The following RBM27 variants were observed in gnomAD, a reference collection of about 807,000 sequenced individuals.
RBM27 encodes RNA binding motif protein 27.
RBM27 carries 22 observed loss-of-function variants against 135.3 expected under a neutral mutation model. The ratio of observed to expected loss-of-function variants is 0.16; its 90% confidence interval spans 0.12 to 0.23. The LOEUF (loss-of-function observed/expected upper bound fraction) is 0.23, where lower values mean the gene tolerates loss of function less well. Ranked by LOEUF, RBM27 falls within the 10% of genes least tolerant of loss-of-function variation. The probability of loss-of-function intolerance (pLI) is 1.00; values close to 1 mark genes in which losing one functional copy is unlikely to be tolerated. For synonymous variants in RBM27, 481 were observed against 442.4 expected (o/e 1.09, Z -1.10); for missense variants, 1,009 against 1,281.0 (o/e 0.79, Z 3.24).
chr5:146,211,494 T>TTTTC (rs1755951478), intron 1 of RBM27, among the ~76,000 whole-genome samples: 5 of 108,516 alleles, frequency 4.6e-5, no homozygotes, highest in Non-Finnish European at 9.4e-5. Context: ...TTTTTTTTTT[T>TTTTC]ACTTTGAGAG....
chr5:146,227,568 T>C (rs963666917), intron 3 of RBM27, among the ~76,000 whole-genome samples: 3 of 152,188 alleles, frequency 2.0e-5, no homozygotes, highest in African/African-American at 7.2e-5. Flanking sequence ...GTTTAACTCT[T>C]GCAAATAACT....
chr5:146,233,607 GCCAGGTCCAGGCCCAGGC>G lies in RBM27; in HGVS notation c.1011_1028del (p.Pro353_Gly358del). ...CTCCTGGAATGTTAATGCCTCCAAT[GCCAGGTCCAGGCCCAGGC>G]CCGGGCCCAGGTCCAGGCCCAGGCC... On this transcript the variant is annotated inframe_deletion, in exon 7 of 21. Coordinates refer to ENST00000265271, the MANE Select transcript of RBM27 (RefSeq NM_018989.2). 6.2e-7 allele frequency: 1 copy of G among 1,607,818 alleles called. No homozygotes were observed. Among genetic ancestry groups the G allele is most frequent in the Non-Finnish European group, 8.5e-7 (1 of 1,176,212 alleles).
chr5:146,257,776 A>G (rs2126838824), intron 10 of RBM27, among the ~76,000 whole-genome samples: 2 of 152,172 alleles, frequency 1.3e-5, no homozygotes, highest in Admixed American at 1.3e-4. Flanking sequence ...TTGCTTGTAT[A>G]AGGTGATCAT....
chr5:146,206,264 C>T (rs529374606), intron 1 of RBM27, among the ~76,000 whole-genome samples: 1 of 147,754 alleles, frequency 6.8e-6, no homozygotes, highest in African/African-American at 2.5e-5. Flanking sequence ...TTTAAAGCTC[C>T]CTAAGATGTT....
At chr5:146,267,912 G>GA (rs543294529) in intron 15 of RBM27, 144 bp downstream of exon 15, 96 of 889,068 alleles carry the variant, frequency 1.1e-4, no homozygotes, top group South Asian at 3.7e-4. Context: ...TGTAAACTTG[G>GA]AAAAAAAAGG....
chr5:146,217,464 GTTTTTTTTTTT>G (rs545963169), intron 1 of RBM27, among the ~76,000 whole-genome samples: 3 of 70,768 alleles, frequency 4.2e-5, no homozygotes, highest in African/African-American at 1.2e-4. Context: ...GCTGAAGCCT[GTTTTTTTTTTT>G]TTTTTTTTTT....
At chr5:146,266,275 A>G (rs529715714) in intron 14 of RBM27, among the ~76,000 whole-genome samples, 2 of 152,362 alleles carry the variant, frequency 1.3e-5, no homozygotes, top group South Asian at 2.1e-4. Flanking sequence ...ATGGGGGAGT[A>G]CTACTGGATG....
chr5:146,239,731 C>A (rs1757323040), intron 8 of RBM27, among the ~76,000 whole-genome samples: 1 of 150,154 alleles, frequency 6.7e-6, no homozygotes, highest in African/African-American at 2.5e-5. Flanking sequence ...CTGCTTTGGC[C>A]TTGCAAAGCG....
At chr5:146,255,199 A>C in intron 10 of RBM27, 107 bp downstream of exon 10, 1 of 947,958 alleles carries the variant, frequency 1.1e-6, no homozygotes, top group South Asian at 2.1e-5. Context: ...GGTCCAAATT[A>C]CTTATATATT....
chr5:146,260,023 G>A (rs1758317686), intron 11 of RBM27, among the ~76,000 whole-genome samples: 1 of 149,982 alleles, frequency 6.7e-6, no homozygotes, highest in Non-Finnish European at 1.5e-5. Flanking sequence ...ATGTTGGCCG[G>A]GCGTAGTGGC....
chr5:146,230,882 A>T lies in RBM27; in HGVS notation c.815A>T (p.Asn272Ile). 2 of 1,614,178 alleles carry T rather than the reference A, an allele frequency of 1.2e-6. No homozygotes were observed. Among genetic ancestry groups the T allele is most frequent in the East Asian group, 2.2e-5 (1 of 44,882 alleles). ...NHSSSNSFGRNLPPKRRCRDY... is the reference protein window; with the variant it reads ...NHSSSNSFGRILPPKRRCRDY... ...AGCTCTTCCAATTCTTTTGGTCGAA[A>T]CCTACCACCAAAGAGGCGATGCAGA... The change falls in exon 6 of 21, where the codon AAC becomes ATC. Residue 272 changes from asparagine to isoleucine, a missense_variant. Asn to Ile is a moderately radical substitution (Grantham distance 149). Around this residue, in one of 6 missense-constraint regions of RBM27, gnomAD observed 268 missense variants for 326.6 expected, o/e 0.82. Coordinates refer to ENST00000265271, the MANE Select transcript of RBM27 (RefSeq NM_018989.2).
At chr5:146,278,956 C>A (rs996542429) in intron 19 of RBM27, among the ~76,000 whole-genome samples, 1 of 151,628 alleles carries the variant, frequency 6.6e-6, no homozygotes, top group African/African-American at 2.4e-5. Flanking sequence ...CTCCTGACCT[C>A]GTGATCTGCC....
In RBM27 at chr5:146,251,981, T is replaced by G. The variant is rs1393656607; in HGVS notation, c.1444+106T>G. The G allele has an allele frequency of 4.0e-6, 5 of 1,250,806 alleles. No individual in the cohort carries two copies. In the East Asian group the frequency reaches 7.0e-5, roughly 18 times the overall value. 77.5% of individuals were successfully genotyped at this position (1,250,806 alleles called of 1,614,324 possible). On this transcript the variant is annotated intron_variant, in intron 9 of 20. Transcript: ENST00000265271. ...CCTGATCTGCTGTTACAAAGTCCCA[T>G]TAAAGCTCATAGGTAGTTTTATTTT...
intron 8 of RBM27, among the ~76,000 whole-genome samples, chr5:146,244,558 T>C (rs1581188989): frequency 1.3e-5 from 2 of 152,008 alleles, no homozygotes; most frequent in East Asian, 1.9e-4. Flanking sequence ...TTATTTCTTT[T>C]TGAGACAGAG....
intron 10 of RBM27, among the ~76,000 whole-genome samples, chr5:146,256,911 G>A (rs2126836315): frequency 6.6e-6 from 1 of 152,144 alleles, no homozygotes; most frequent in East Asian, 1.9e-4. Flanking sequence ...TTAAAAAAAA[G>A]CATTAGGCAA....
chr5:146,261,332 T>G, intron 12 of RBM27, 178 bp from the exon 13 acceptor site: 1 of 634,076 alleles, frequency 1.6e-6, no homozygotes. Flanking sequence ...GGATGCACCT[T>G]TGTGACCTCA....
At chr5:146,211,464 C>CTTTTTTTTTTTTTTTTT (rs57117642) in intron 1 of RBM27, among the ~76,000 whole-genome samples, 5 of 49,928 alleles carry the variant, frequency 1.0e-4, no homozygotes, top group Admixed American at 3.9e-4. Context: ...ATGGTCTTAT[C>CTTTTTTTTTTTTTTTTT]TTTTTTTTTT....
At chr5:146,263,456 C>T (rs1561557879) in intron 13 of RBM27, 35 bp from the exon 14 acceptor site, 1 of 1,584,354 alleles carries the variant, frequency 6.3e-7, no homozygotes, top group Non-Finnish European at 8.6e-7. Flanking sequence ...TGTTTTTAAA[C>T]TTCTGCCACA....
chr5:146,238,207 G>A (rs569481503), intron 8 of RBM27, among the ~76,000 whole-genome samples: 25 of 152,058 alleles, frequency 1.6e-4, no homozygotes, highest in Non-Finnish European at 2.4e-4. Context: ...ACATTTGATT[G>A]TAATAATACA....
Sources: allele counts gnomAD v4.1 joint callset (sites outside exome capture counted in the v4.1 genomes callset), GRCh38; gene constraint gnomAD v4.1.1; regional missense constraint gnomAD v4.1.1; transcripts MANE v1.5; gene names NCBI Gene and HGNC (gene_info 2026-07-23, HGNC 2026-07-21).